Variants in DPP6 observed in about 807,000 individuals in gnomAD.
DPP6 encodes the protein A-type potassium channel modulatory protein DPP6.
Under a neutral mutation model 122.6 loss-of-function variants are expected in DPP6, and 69 were observed. That is an observed-to-expected ratio of 0.56 (90% CI 0.46 to 0.69). The LOEUF is 0.69. Ranked by LOEUF, DPP6 falls within the 30% of genes least tolerant of loss-of-function variation. DPP6 has a pLI of 0.00. For synonymous variants in DPP6, 418 were observed against 433.1 expected (o/e 0.97, Z 0.43); for missense variants, 928 against 1,116.9 (o/e 0.83, Z 2.41).
the DPP6 span, among the ~76,000 whole-genome samples, chr7:153,765,511 CA>C: frequency 6.7e-6 from 1 of 149,544 alleles, no homozygotes; most frequent in Non-Finnish European, 1.5e-5. Flanking sequence ...CACTGCACTC[CA>C]GCCTGGGCAA....
the DPP6 span, among the ~76,000 whole-genome samples, chr7:153,847,985 C>T: frequency 6.6e-6 from 1 of 152,150 alleles, no homozygotes; most frequent in Non-Finnish European, 1.5e-5. Flanking sequence ...TAGCTGCCTG[C>T]CTCACGTGTA....
rs770900258 is a variant in DPP6, at chr7:154,772,961, T to C, written c.1136+19T>C. 6.9e-6 allele frequency: 10 copies of C among 1,443,708 alleles called. No individual in the cohort carries two copies. The highest frequency in any genetic ancestry group is 5.3e-5 in the African/African-American group (3 of 56,206). The allele number at this position is 1,443,708 out of a possible 1,614,324, so 89.4% of individuals were successfully genotyped here. Reference sequence around the variant, plus strand: ...GGATGAGGTTTGCTTCCTTCTATTATGTTACCAAAAAAAAAAAAAAACTAA... The same window carrying C: ...GGATGAGGTTTGCTTCCTTCTATTACGTTACCAAAAAAAAAAAAAAACTAA... On this transcript the variant is annotated intron_variant, in intron 10 of 25. Transcript: ENST00000377770.
chr7:154,288,372 C>A (rs966800183), intron 1 of DPP6, among the ~76,000 whole-genome samples: 2 of 152,168 alleles, frequency 1.3e-5, no homozygotes, highest in African/African-American at 4.8e-5. Context: ...GCCTCAGCTA[C>A]CCAGGGTTCC....
At chr7:154,103,515 C>T (rs1805909280) in intron 1 of DPP6, among the ~76,000 whole-genome samples, 1 of 152,174 alleles carries the variant, frequency 6.6e-6, no homozygotes, top group Non-Finnish European at 1.5e-5. Flanking sequence ...CTTCTGTTGC[C>T]GTGATGGTGA....
chr7:153,852,151 C>A, the DPP6 span, among the ~76,000 whole-genome samples: 2 of 152,120 alleles, frequency 1.3e-5, no homozygotes, highest in Non-Finnish European at 2.9e-5. Context: ...CTGTTAGGCT[C>A]GATGTCAGCA....
chr7:153,977,690 A>G (rs1363391566), intron 1 of DPP6, among the ~76,000 whole-genome samples: 1 of 152,028 alleles, frequency 6.6e-6, no homozygotes, highest in African/African-American at 2.4e-5. Context: ...TATTTCTCCT[A>G]ATGCTATCCC....
chr7:154,017,321 G>A (rs1283218957), intron 1 of DPP6, among the ~76,000 whole-genome samples: 1 of 152,268 alleles, frequency 6.6e-6, no homozygotes, highest in East Asian at 1.9e-4. Context: ...GTCCCTCCTC[G>A]ACCTCCCAAA....
At chr7:153,790,875 A>G in the DPP6 span, among the ~76,000 whole-genome samples, 9 of 152,322 alleles carry the variant, frequency 5.9e-5, no homozygotes, top group African/African-American at 9.6e-5. Context: ...GTATTTTGGA[A>G]TCTCAAAGAG....
intron 1 of DPP6, among the ~76,000 whole-genome samples, chr7:154,036,057 TAAAC>T (rs1213986393): frequency 2.0e-5 from 3 of 151,574 alleles, no homozygotes; most frequent in Admixed American, 6.6e-5. Context: ...TATGTGAAAA[TAAAC>T]AATATGATTA....
chr7:154,336,015 T>C (rs1809384301), intron 1 of DPP6, among the ~76,000 whole-genome samples: 1 of 151,990 alleles, frequency 6.6e-6, no homozygotes, highest in South Asian at 2.1e-4. Flanking sequence ...GCAGGTCTCA[T>C]CCACCACCAG....
At chr7:154,303,327 C>A (rs1806034729) in intron 1 of DPP6, among the ~76,000 whole-genome samples, 1 of 152,174 alleles carries the variant, frequency 6.6e-6, no homozygotes, top group Non-Finnish European at 1.5e-5. Flanking sequence ...GACTGCCCAC[C>A]TGGCTACCCA....
At chr7:153,803,557 T>C in the DPP6 span, among the ~76,000 whole-genome samples, 1 of 152,016 alleles carries the variant, frequency 6.6e-6, no homozygotes, top group Non-Finnish European at 1.5e-5. Flanking sequence ...TTGGGACTCA[T>C]ACGGAATTAT....
intron 2 of DPP6, among the ~76,000 whole-genome samples, chr7:154,465,742 C>T (rs191515638): frequency 6.9e-4 from 105 of 152,318 alleles, no homozygotes; most frequent in Middle Eastern, 3.4e-3. Context: ...AATAGGAACA[C>T]TTTTGCACTG....
the DPP6 span, among the ~76,000 whole-genome samples, chr7:153,813,460 A>T: frequency 1.3e-5 from 2 of 152,068 alleles, no homozygotes; most frequent in Non-Finnish European, 2.9e-5. Context: ...AGTCTTTGCT[A>T]TTGTGAATAG....
At chr7:154,080,833 A>T (rs1394846106) in intron 1 of DPP6, among the ~76,000 whole-genome samples, 4 of 152,152 alleles carry the variant, frequency 2.6e-5, no homozygotes. Context: ...TTCGAGGAAC[A>T]GGCTAGGAGG....
intron 1 of DPP6, among the ~76,000 whole-genome samples, chr7:154,281,442 T>C (rs1380155229): frequency 1.3e-5 from 2 of 152,182 alleles, no homozygotes; most frequent in Non-Finnish European, 2.9e-5. Flanking sequence ...TTCAGAATCA[T>C]TGATAAGTCC....
At chr7:154,568,568 A>G (rs1830912396) in intron 5 of DPP6, among the ~76,000 whole-genome samples, 1 of 152,134 alleles carries the variant, frequency 6.6e-6, no homozygotes, top group African/African-American at 2.4e-5. Flanking sequence ...TGTGCATGAT[A>G]CAATTCTCCA....
intron 1 of DPP6, among the ~76,000 whole-genome samples, chr7:153,973,840 T>G (rs1284889731): frequency 6.8e-6 from 1 of 147,172 alleles, no homozygotes; most frequent in African/African-American, 2.6e-5. Context: ...TATTTTGCAC[T>G]GTTCATTTTT....
At chr7:154,203,818 C>T (rs1184505205) in intron 1 of DPP6, among the ~76,000 whole-genome samples, 1 of 152,148 alleles carries the variant, frequency 6.6e-6, no homozygotes, top group African/African-American at 2.4e-5. Flanking sequence ...CACCTGTAAC[C>T]CCGTTTCCCT....
Sources: allele counts gnomAD v4.1 joint callset (sites outside exome capture counted in the v4.1 genomes callset), GRCh38; gene constraint gnomAD v4.1.1; transcripts MANE v1.5; gene names NCBI Gene and HGNC (gene_info 2026-07-23, HGNC 2026-07-21).